The following CCSER1 variants were observed in gnomAD, a reference collection of about 807,000 sequenced individuals.
The protein encoded by CCSER1 is coiled-coil serine rich protein 1.
Under a neutral mutation model 82.0 loss-of-function variants are expected in CCSER1, and 41 were observed. The observed-to-expected ratio is 0.50, with a 90% CI of 0.39 to 0.65. The LOEUF (loss-of-function observed/expected upper bound fraction) is 0.65, where lower values mean the gene tolerates loss of function less well. CCSER1 is among the 30% of genes least tolerant of loss of function. The pLI is 0.00. For synonymous variants in CCSER1, 414 were observed against 383.9 expected, an observed-to-expected ratio of 1.08 and a Z score of -0.92; for missense variants, 1,119 against 1,064.2, an observed-to-expected ratio of 1.05 and a Z score of -0.72.
chr4:90,566,710 C>G (rs946565164), intron 5 of CCSER1, among the ~76,000 whole-genome samples: 1 of 151,508 alleles, frequency 6.6e-6, no homozygotes, highest in Admixed American at 6.6e-5. Flanking sequence ...TCACGCCATT[C>G]TCCTGCCTCA....
At chr4:91,274,325 C>G (rs1214452910) in intron 10 of CCSER1, among the ~76,000 whole-genome samples, 1 of 152,092 alleles carries the variant, frequency 6.6e-6, no homozygotes, top group Non-Finnish European at 1.5e-5. Flanking sequence ...TTCCTTGTGT[C>G]AGAACATTTC....
intron 10 of CCSER1, among the ~76,000 whole-genome samples, chr4:91,441,358 A>C (rs961335319): frequency 2.6e-5 from 4 of 152,214 alleles, no homozygotes; most frequent in Non-Finnish European, 5.9e-5. Context: ...AAACAGAACC[A>C]AAGACAAAAA....
intron 10 of CCSER1, among the ~76,000 whole-genome samples, chr4:91,473,433 A>G (rs1385119751): frequency 6.6e-6 from 1 of 152,036 alleles, no homozygotes; most frequent in Non-Finnish European, 1.5e-5. Flanking sequence ...TTAGTCAGAG[A>G]TTGTGGGTTC....
At chr4:90,920,959 T>C (rs977249801) in intron 8 of CCSER1, among the ~76,000 whole-genome samples, 10 of 151,786 alleles carry the variant, frequency 6.6e-5, no homozygotes, top group African/African-American at 2.4e-4. Context: ...TGAAAATACA[T>C]GATGATACTT....
chr4:91,589,945 A>AACTT, intron 10 of CCSER1, among the ~76,000 whole-genome samples: 1 of 151,990 alleles, frequency 6.6e-6, no homozygotes, highest in Non-Finnish European at 1.5e-5. Context: ...TGTTAAAGAC[A>AACTT]ACTTACTGTT....
chr4:91,072,049 C>G (rs2148770195), intron 9 of CCSER1, among the ~76,000 whole-genome samples: 1 of 152,236 alleles, frequency 6.6e-6, no homozygotes, highest in Non-Finnish European at 1.5e-5. Flanking sequence ...GAGCATCAGA[C>G]ATGCTATAAG....
At chr4:90,809,344 A>ACACG (rs1554018279) in intron 7 of CCSER1, among the ~76,000 whole-genome samples, 3 of 148,924 alleles carry the variant, frequency 2.0e-5, no homozygotes. Flanking sequence ...ACACACACGC[A>ACACG]CACACACAGC....
At chr4:91,265,106 A>G (rs988181409) in intron 10 of CCSER1, among the ~76,000 whole-genome samples, 1 of 152,028 alleles carries the variant, frequency 6.6e-6, no homozygotes, top group Non-Finnish European at 1.5e-5. Context: ...ATCTCACTAG[A>G]ATTTTCAATA....
Position 91,055,571 on chromosome 4 carries a change from A to G in CCSER1, c.2173-30379A>G, listed in dbSNP as rs148496664. Among the ~76,000 whole-genome samples, 551 of 152,168 alleles carry G rather than the reference A, an allele frequency of 3.6e-3. 1 individual carries two copies. The highest frequency in any genetic ancestry group is 4.9e-3 in the Admixed American group (75 of 15,274). On this transcript the variant is annotated intron_variant, in intron 9 of 10. Transcript: ENST00000509176. ...TTGTGTCTCTGTTTATGCTTGCCAA[A>G]TTCCCTGTTTGTCTTTTGATAGTTT...
chr4:90,657,504 A>G (rs545474503), intron 6 of CCSER1, among the ~76,000 whole-genome samples: 11 of 152,190 alleles, frequency 7.2e-5, no homozygotes, highest in South Asian at 4.1e-4. Context: ...TGGGACTCCA[A>G]TTGCATATAT....
chr4:91,060,208 T>C (rs1472284691), intron 9 of CCSER1, among the ~76,000 whole-genome samples: 2 of 152,072 alleles, frequency 1.3e-5, no homozygotes, highest in East Asian at 3.9e-4. Flanking sequence ...ATTATGATGT[T>C]AAAACTGATA....
At position 90,798,028 on chromosome 4, in the gene CCSER1, A is replaced by G. The variant is rs116956388; in HGVS notation, c.2011-17734A>G. ...AATTTGAATGTTGGCCTCTCTAGGT[A>G]GGTTGCTGAAGTTCTCATGGATAAT... On this transcript the variant is annotated intron_variant, in intron 7 of 10. Coordinates refer to ENST00000509176, the MANE Select transcript of CCSER1 (RefSeq NM_001145065.2). 3.8e-4 allele frequency among the ~76,000 whole-genome samples: 58 copies of G among 152,310 alleles called. 1 individual carries two copies. In the East Asian group the frequency reaches 9.7e-3, roughly 25 times the overall value.
intron 9 of CCSER1, among the ~76,000 whole-genome samples, chr4:91,014,822 G>T (rs1467254154): frequency 6.6e-6 from 1 of 152,082 alleles, no homozygotes; most frequent in Non-Finnish European, 1.5e-5. Flanking sequence ...TTTCTGTTCT[G>T]CAAAATTTGA....
At chr4:91,388,891 G>A (rs921663098) in intron 10 of CCSER1, among the ~76,000 whole-genome samples, 1 of 151,526 alleles carries the variant, frequency 6.6e-6, no homozygotes, top group African/African-American at 2.4e-5. Context: ...TATCTTTTTT[G>A]GTGAGGTACG....
intron 10 of CCSER1, among the ~76,000 whole-genome samples, chr4:91,450,296 GAA>G (rs1212533716): frequency 6.6e-6 from 1 of 151,336 alleles, no homozygotes; most frequent in African/African-American, 2.4e-5. Context: ...TCATTCATGG[GAA>G]AAAAAACCAT....
intron 10 of CCSER1, among the ~76,000 whole-genome samples, chr4:91,463,618 C>T (rs191462687): frequency 2.0e-5 from 3 of 152,202 alleles, no homozygotes; most frequent in South Asian, 2.1e-4. Flanking sequence ...AAAGATTAGA[C>T]GAATGGCTAA....
At chr4:90,551,678 T>TTCTCTCTCTCTC (rs71596530) in intron 5 of CCSER1, among the ~76,000 whole-genome samples, 1,577 of 88,380 alleles carry the variant, frequency 0.018, 23 homozygotes, top group Non-Finnish European at 0.024. Flanking sequence ...AAAAATATAA[T>TTCTCTCTCTCTC]TCTCTCTCTC....
rs948643840 is a variant in CCSER1, at chr4:91,072,921, T to C, written c.2173-13029T>C. ...TAAATATTTCTGTTACATACATATG[T>C]GTATATTTAGAAGTATCCTGTGGTA... On this transcript the variant is annotated intron_variant, in intron 9 of 10. Coordinates refer to ENST00000509176, the MANE Select transcript of CCSER1 (RefSeq NM_001145065.2). Among the ~76,000 whole-genome samples the C allele has an allele frequency of 4.1e-4, 62 of 152,128 alleles. 1 individual carries two copies. The highest frequency in any genetic ancestry group is 3.5e-3 in the Admixed American group (53 of 15,258).
chr4:90,308,762 G>C lies in CCSER1; in HGVS notation c.478G>C (p.Asp160His). The change falls in exon 2 of 11, where the codon GAT (aspartate) becomes CAT (histidine). Residue 160 changes from aspartate to histidine, a missense_variant. By Grantham distance (81) the Asp-to-His change is moderately conservative. Transcript: ENST00000509176. Reference protein sequence around the residue: ...NCLSSGKSEGDDSGFTEDQTR... With the variant: ...NCLSSGKSEGHDSGFTEDQTR... ...TCTAAGTTCTGGCAAAAGTGAAGGG[G>C]ATGATTCTGGTTTCACAGAAGACCA... 1 of 1,613,818 alleles carries C rather than the reference G, an allele frequency of 6.2e-7. No homozygotes were observed. Among genetic ancestry groups the C allele is most frequent in the Non-Finnish European group, 8.5e-7 (1 of 1,179,860 alleles).
Sources: allele counts gnomAD v4.1 joint callset (sites outside exome capture counted in the v4.1 genomes callset), GRCh38; gene constraint gnomAD v4.1.1; transcripts MANE v1.5; gene names NCBI Gene and HGNC (gene_info 2026-07-23, HGNC 2026-07-21).